VWC2L: variants seen among roughly 807,000 people sequenced by gnomAD.
The protein encoded by VWC2L is von Willebrand factor C domain containing 2 like.
Under a neutral mutation model 21.6 loss-of-function variants are expected in VWC2L, and 10 were observed. The ratio of observed to expected loss-of-function variants is 0.46; its 90% confidence interval spans 0.29 to 0.78. The LOEUF (loss-of-function observed/expected upper bound fraction) is 0.78, where lower values mean the gene tolerates loss of function less well. Ranked by LOEUF, VWC2L falls within the 30% of genes least tolerant of loss-of-function variation. The pLI is 0.10. For missense variants in VWC2L, 209 were observed against 277.1 expected (o/e 0.75, Z 1.74); for synonymous variants, 96 against 94.3 (o/e 1.02, Z -0.10).
chr2:214,451,425 C>G (rs568272889), intron 3 of VWC2L, among the ~76,000 whole-genome samples: 1 of 151,776 alleles, frequency 6.6e-6, no homozygotes, highest in African/African-American at 2.4e-5. Flanking sequence ...CCCCAAAATG[C>G]CCAGGAGTCA....
intron 3 of VWC2L, among the ~76,000 whole-genome samples, chr2:214,514,585 A>G (rs1689110612): frequency 6.6e-6 from 1 of 152,194 alleles, no homozygotes; most frequent in Non-Finnish European, 1.5e-5. Flanking sequence ...CCAAGCAGAC[A>G]GTATAGTAAG....
At chr2:214,430,243 T>C (rs1432438129) in intron 2 of VWC2L, among the ~76,000 whole-genome samples, 1 of 152,092 alleles carries the variant, frequency 6.6e-6, no homozygotes, top group Non-Finnish European at 1.5e-5. Flanking sequence ...TAATTACAAT[T>C]GGGTACTTCA....
At chr2:214,544,255 T>C (rs958112322) in intron 3 of VWC2L, among the ~76,000 whole-genome samples, 4 of 152,134 alleles carry the variant, frequency 2.6e-5, no homozygotes, top group African/African-American at 7.2e-5. Flanking sequence ...TCTGTACAGG[T>C]ATAGATTAGA....
intron 3 of VWC2L, among the ~76,000 whole-genome samples, chr2:214,459,383 T>A (rs1467910554): frequency 1.3e-5 from 2 of 152,226 alleles, no homozygotes; most frequent in Non-Finnish European, 2.9e-5. Context: ...AAATGGAAAA[T>A]TTAATCTATT....
chr2:214,457,781 A>G (rs1703078606), intron 3 of VWC2L, among the ~76,000 whole-genome samples: 1 of 152,100 alleles, frequency 6.6e-6, no homozygotes, highest in Admixed American at 6.5e-5. Flanking sequence ...GCATTTGGTT[A>G]TGCTGATCCA....
intron 3 of VWC2L, among the ~76,000 whole-genome samples, chr2:214,486,999 C>A (rs536866842): frequency 4.5e-4 from 69 of 152,224 alleles, no homozygotes; most frequent in Middle Eastern, 3.4e-3. Flanking sequence ...TAAATGAAGT[C>A]ATTAGCATGG....
At chr2:214,450,239 G>A (rs1441327742) in intron 3 of VWC2L, among the ~76,000 whole-genome samples, 1 of 151,640 alleles carries the variant, frequency 6.6e-6, no homozygotes, top group Non-Finnish European at 1.5e-5. Context: ...GCAGGCTGAC[G>A]GCAAAATCTA....
At chr2:214,572,454 T>C (rs765856820) in intron 3 of VWC2L, among the ~76,000 whole-genome samples, 5 of 152,180 alleles carry the variant, frequency 3.3e-5, no homozygotes, top group Non-Finnish European at 7.3e-5. Context: ...TTAAAATACG[T>C]TGCTTTGCCA....
intron 3 of VWC2L, among the ~76,000 whole-genome samples, chr2:214,508,558 G>A (rs1268375914): frequency 6.6e-6 from 1 of 152,106 alleles, no homozygotes; most frequent in Non-Finnish European, 1.5e-5. Flanking sequence ...AGTTAACTAC[G>A]ATTACATTTT....
chr2:214,451,861 T>A (rs1702959431), intron 3 of VWC2L, among the ~76,000 whole-genome samples: 1 of 152,242 alleles, frequency 6.6e-6, no homozygotes, highest in East Asian at 1.9e-4. Context: ...TTTTCATTTT[T>A]AAATAATTCT....
intron 3 of VWC2L, among the ~76,000 whole-genome samples, chr2:214,463,746 T>G (rs193284644): frequency 5.3e-5 from 8 of 152,298 alleles, no homozygotes; most frequent in African/African-American, 1.9e-4. Context: ...GTATACATCT[T>G]TAGCTTATCA....
chr2:214,536,228 C>T (rs1434970197), intron 3 of VWC2L, among the ~76,000 whole-genome samples: 1 of 152,058 alleles, frequency 6.6e-6, no homozygotes, highest in Non-Finnish European at 1.5e-5. Context: ...TTGCTGAATG[C>T]CTACCACAGG....
At chr2:214,431,097 C>A (rs926019871) in intron 2 of VWC2L, among the ~76,000 whole-genome samples, 2 of 152,148 alleles carry the variant, frequency 1.3e-5, no homozygotes, top group South Asian at 4.1e-4. Flanking sequence ...TTAGGTGACA[C>A]CTGTTGCATG....
chr2:214,520,058 TAC>T lies in VWC2L; in HGVS notation c.521-55583_521-55582del, dbSNP rs60850327. ...ATTCTCAGAATATTTGCTCCTGTTA[TAC>T]ACACACACACACACACACACACACA... On this transcript the variant is annotated intron_variant, in intron 3 of 3. Coordinates refer to ENST00000312504, the MANE Select transcript of VWC2L (RefSeq NM_001080500.4). 8.9e-3 allele frequency among the ~76,000 whole-genome samples: 1,270 copies of T among 143,236 alleles called. 19 individuals are homozygous for T. The highest frequency in any genetic ancestry group is 0.03 in the African/African-American group (1,178 of 39,314). The allele number at this position is 143,236 out of a possible 152,430, so 94.0% of individuals were successfully genotyped here.
Position 214,483,415 on chromosome 2 carries a change from C to CA in VWC2L, c.520+46668dup, listed in dbSNP as rs938333518. ...ATTAGAATAATGTATCTGGCAAAAG[C>CA]AAAAAAAAAAAGGAATTTCAAAGAT... On this transcript the variant is annotated intron_variant, in intron 3 of 3. Transcript: ENST00000312504. 3.0e-3 allele frequency among the ~76,000 whole-genome samples: 397 copies of CA among 133,270 alleles called. 2 individuals carry two copies. The highest frequency in any genetic ancestry group is 0.013 in the South Asian group (53 of 4,120). 87.4% of individuals were successfully genotyped at this position (133,270 alleles called of 152,430 possible). A position where few individuals can be genotyped will look rare whatever the true frequency, so the allele number is the denominator to read the frequency against.
intron 1 of VWC2L, among the ~76,000 whole-genome samples, chr2:214,412,310 A>G (rs1702290043): frequency 6.6e-6 from 1 of 152,142 alleles, no homozygotes; most frequent in South Asian, 2.1e-4. Flanking sequence ...ATTGACAGAT[A>G]TTGCTGGAAT....
intron 3 of VWC2L, among the ~76,000 whole-genome samples, chr2:214,565,140 A>G (rs1412314401): frequency 1.3e-5 from 2 of 152,142 alleles, no homozygotes; most frequent in African/African-American, 4.8e-5. Context: ...AGAAGAGTCC[A>G]TGGAGAAGGG....
In VWC2L at chr2:214,414,298, C is replaced by T. The variant is rs776337294; in HGVS notation, c.105C>T (p.Asp35=). ...SHEDYPADEG[D]QISSNDNLIF... ...AAGACTATCCTGCTGATGAAGGTGA[C>T]CAGATCTCCAGTAATGACAATCTGA... The change falls in exon 2 of 4, where the codon GAC becomes GAT. Residue 35 remains aspartate, a synonymous_variant. Transcript: ENST00000312504. The T allele has an allele frequency of 2.5e-6, 4 of 1,613,764 alleles. No homozygotes were observed. The highest frequency in any genetic ancestry group is 1.7e-4 in the Middle Eastern group (1 of 6,060).
At chr2:214,534,613 A>C (rs1178525564) in intron 3 of VWC2L, among the ~76,000 whole-genome samples, 1 of 152,120 alleles carries the variant, frequency 6.6e-6, no homozygotes, top group East Asian at 1.9e-4. Context: ...TAAACATCCT[A>C]CAAGATCATA....
Sources: gnomAD v4.1 joint callset for allele counts (sites outside exome capture counted in the v4.1 genomes callset) on GRCh38, gnomAD v4.1.1 for gene constraint, MANE v1.5 for transcripts, NCBI Gene and HGNC (gene_info 2026-07-23, HGNC 2026-07-21) for gene names.